The following IL1RAPL1 variants were observed in gnomAD, a reference collection of about 807,000 sequenced individuals.
IL1RAPL1 encodes the protein interleukin 1 receptor accessory protein like 1.
IL1RAPL1 carries 3 observed loss-of-function variants against 48.4 expected under a neutral mutation model. The ratio of observed to expected loss-of-function variants is 0.06; its 90% CI spans 0.03 to 0.16. The LOEUF is 0.16. Among genes scored for constraint, IL1RAPL1 ranks in the 10% least tolerant of loss-of-function variants. IL1RAPL1 has a pLI of 1.00. For synonymous variants in IL1RAPL1, 185 were observed against 187.7 expected (o/e 0.99, Z 0.12); for missense variants, 349 against 530.6 (o/e 0.66, Z 3.36).
intron 1 of IL1RAPL1, among the ~76,000 whole-genome samples, chrX:28,755,071 G>A (rs1423185807): frequency 2.7e-5 from 3 of 111,174 alleles, no homozygotes; most frequent in African/African-American, 6.6e-5. Flanking sequence ...TTGGCTCACC[G>A]CAACCTCTGC....
At chrX:29,537,520 C>T (rs1389497355) in intron 5 of IL1RAPL1, among the ~76,000 whole-genome samples, 1 of 107,849 alleles carries the variant, frequency 9.3e-6, no homozygotes, top group Non-Finnish European at 1.9e-5. Flanking sequence ...TCAGCACCCC[C>T]TTTTATTGGA....
intron 3 of IL1RAPL1, among the ~76,000 whole-genome samples, chrX:29,316,428 C>T (rs1329162698): frequency 8.9e-6 from 1 of 112,041 alleles, no homozygotes; most frequent in Non-Finnish European, 1.9e-5. Flanking sequence ...GTGGAAAGCC[C>T]AAACATACGT....
intron 1 of IL1RAPL1, among the ~76,000 whole-genome samples, chrX:28,719,069 T>C (rs1935537624): frequency 9.0e-6 from 1 of 111,100 alleles, no homozygotes; most frequent in South Asian, 3.7e-4. Context: ...TAGGTAGGGT[T>C]AGACATAATT....
intron 2 of IL1RAPL1, among the ~76,000 whole-genome samples, chrX:28,961,155 C>G (rs564178584): frequency 1.8e-5 from 2 of 109,949 alleles, no homozygotes; most frequent in East Asian, 5.7e-4. Context: ...GGGTTTGAGT[C>G]CACTAAGAAT....
chrX:29,504,430 G>A (rs180801794), intron 5 of IL1RAPL1, among the ~76,000 whole-genome samples: 1,387 of 111,698 alleles, frequency 0.012, 15 homozygotes, highest in African/African-American at 0.043. Flanking sequence ...TTATATTGAA[G>A]TGTTGAATCC....
intron 6 of IL1RAPL1, among the ~76,000 whole-genome samples, chrX:29,884,496 C>G (rs910575349): frequency 9.0e-6 from 1 of 110,873 alleles, no homozygotes; most frequent in East Asian, 2.8e-4. Context: ...AGTCCTCTTC[C>G]CCCTAGTCTC....
intron 6 of IL1RAPL1, among the ~76,000 whole-genome samples, chrX:29,786,646 G>T (rs1929506894): frequency 9.0e-6 from 1 of 111,611 alleles, no homozygotes; most frequent in African/African-American, 3.3e-5. Flanking sequence ...AGAAGAAGTA[G>T]CAAATAAGCT....
In IL1RAPL1 at chrX:29,396,022, A is replaced by C. The variant is rs11796179; in HGVS notation, c.363-236A>C. On this transcript the variant is annotated intron_variant, in intron 3 of 10. Coordinates refer to ENST00000378993, the MANE Select transcript of IL1RAPL1 (RefSeq NM_014271.4). ...ACATTTTAAAACTTAACCTGAATGT[A>C]AAACAAAACTTTTTCTCTGGCAAAT... Among the ~76,000 whole-genome samples, 15,902 of 112,192 alleles carry C rather than the reference A, an allele frequency of 0.14. 1,005 individuals carry two copies. The highest frequency in any genetic ancestry group is 0.25 in the African/African-American group (7,741 of 30,855).
At chrX:29,838,329 T>C (rs977556429) in intron 6 of IL1RAPL1, among the ~76,000 whole-genome samples, 2 of 112,497 alleles carry the variant, frequency 1.8e-5, no homozygotes, top group Admixed American at 9.4e-5. Flanking sequence ...GGAAAAACTT[T>C]ACCAGGCCAG....
chrX:29,741,181 A>C (rs1355092292), intron 6 of IL1RAPL1, among the ~76,000 whole-genome samples: 1 of 112,807 alleles, frequency 8.9e-6, no homozygotes, highest in Admixed American at 9.4e-5. Context: ...TGGCAATTGT[A>C]AACAATTTGT....
At chrX:29,884,834 TCA>T (rs2147217050) in intron 6 of IL1RAPL1, among the ~76,000 whole-genome samples, 1 of 111,607 alleles carries the variant, frequency 9.0e-6, no homozygotes, top group East Asian at 2.8e-4. Flanking sequence ...TTTTATTCTC[TCA>T]CTCTTTACAT....
intron 5 of IL1RAPL1, among the ~76,000 whole-genome samples, chrX:29,468,972 C>T (rs974979114): frequency 8.9e-6 from 1 of 111,752 alleles, no homozygotes; most frequent in Non-Finnish European, 1.9e-5. Context: ...ATTGGCACCT[C>T]TTCACAAAAA....
At chrX:29,421,458 A>G (rs1460582293) in intron 5 of IL1RAPL1, among the ~76,000 whole-genome samples, 1 of 110,694 alleles carries the variant, frequency 9.0e-6, no homozygotes, top group African/African-American at 3.3e-5. Flanking sequence ...AGGTTCTCCA[A>G]GAACCCCTTT....
chrX:28,659,213 C>T, intron 1 of IL1RAPL1: 1 of 757,280 alleles, frequency 1.3e-6, no homozygotes, highest in Non-Finnish European at 2.0e-6. Flanking sequence ...GATAGCTGCA[C>T]TCTGGAAGCG....
At chrX:28,986,238 A>G (rs1925471434) in intron 2 of IL1RAPL1, among the ~76,000 whole-genome samples, 1 of 112,241 alleles carries the variant, frequency 8.9e-6, no homozygotes, top group Non-Finnish European at 1.9e-5. Context: ...TTTAAAAACT[A>G]GATGCTAGAT....
At chrX:28,957,473 GTA>G (rs1924645635) in intron 2 of IL1RAPL1, among the ~76,000 whole-genome samples, 1 of 111,258 alleles carries the variant, frequency 9.0e-6, no homozygotes, top group Non-Finnish European at 1.9e-5. Context: ...TATTATGTAT[GTA>G]TATGTGTTAA....
At chrX:29,338,293 C>CT (rs1406819910) in intron 3 of IL1RAPL1, among the ~76,000 whole-genome samples, 1 of 110,928 alleles carries the variant, frequency 9.0e-6, no homozygotes, top group Admixed American at 9.6e-5. Flanking sequence ...ACGCACATTG[C>CT]TGAGCCAAAT....
intron 3 of IL1RAPL1, among the ~76,000 whole-genome samples, chrX:29,302,354 A>G (rs1175587360): frequency 8.9e-6 from 1 of 111,921 alleles, no homozygotes; most frequent in Non-Finnish European, 1.9e-5. Flanking sequence ...AACAGAGTGT[A>G]ATGGGCACAT....
intron 2 of IL1RAPL1, among the ~76,000 whole-genome samples, chrX:29,040,997 G>T (rs1468906428): frequency 8.9e-6 from 1 of 112,199 alleles, no homozygotes; most frequent in East Asian, 2.8e-4. Context: ...AATAGGAATT[G>T]TCCTCTTTTA....
Sources: gnomAD v4.1 joint callset for allele counts (sites outside exome capture counted in the v4.1 genomes callset) on GRCh38, gnomAD v4.1.1 for gene constraint, MANE v1.5 for transcripts, NCBI Gene and HGNC (gene_info 2026-07-23, HGNC 2026-07-21) for gene names.